Variants in PTPRT observed in about 807,000 individuals in gnomAD.
PTPRT encodes the protein receptor-type tyrosine-protein phosphatase T.
Under a neutral mutation model 176.8 loss-of-function variants are expected in PTPRT, and 56 were observed. That is an observed-to-expected ratio of 0.32 (90% CI 0.26 to 0.40). The LOEUF (loss-of-function observed/expected upper bound fraction) is 0.40. Ranked by LOEUF, PTPRT falls within the 10% of genes least tolerant of loss-of-function variation. PTPRT has a pLI of 1.00. For missense variants in PTPRT, 1,540 were observed against 1,908.2 expected, an observed-to-expected ratio of 0.81 and a Z score of 3.60; for synonymous variants, 783 against 739.0, an observed-to-expected ratio of 1.06 and a Z score of -0.96.
chr20:42,992,208 G>A (rs1983951717), intron 1 of PTPRT, among the ~76,000 whole-genome samples: 1 of 152,174 alleles, frequency 6.6e-6, no homozygotes, highest in African/African-American at 2.4e-5. Context: ...GGTTTTGTGT[G>A]CTACATCAAG....
chr20:42,178,032 G>T (rs541399423), intron 16 of PTPRT, among the ~76,000 whole-genome samples: 1 of 152,086 alleles, frequency 6.6e-6, no homozygotes, highest in South Asian at 2.1e-4. Flanking sequence ...CTGCCACCTG[G>T]GTTCAAGCGA....
chr20:42,179,491 A>G (rs1264831296), intron 16 of PTPRT, among the ~76,000 whole-genome samples: 1 of 152,228 alleles, frequency 6.6e-6, no homozygotes, highest in African/African-American at 2.4e-5. Flanking sequence ...TCCATTCCCT[A>G]AGACAATGAA....
intron 9 of PTPRT, among the ~76,000 whole-genome samples, chr20:42,392,882 G>A (rs1037957378): frequency 2.0e-5 from 3 of 152,094 alleles, no homozygotes; most frequent in Non-Finnish European, 2.9e-5. Context: ...AAAAGCATAC[G>A]CATCTATTTA....
In PTPRT at chr20:42,756,640, C is replaced by T. The variant is rs1381397993; in HGVS notation, c.685-4G>A. Reference sequence around the variant, plus strand: ...CCGTGTCCCTGCCATTCCATTGCTGCAGAACAGAGGAAGAGAGGGAGAGGA... The same window carrying T: ...CCGTGTCCCTGCCATTCCATTGCTGTAGAACAGAGGAAGAGAGGGAGAGGA... On this transcript the variant is annotated splice_region_variant and splice_polypyrimidine_tract_variant and intron_variant, in intron 5 of 30. Transcript: ENST00000373187. 1 of 1,574,462 alleles carries T rather than the reference C, an allele frequency of 6.4e-7. No homozygotes were observed. Among genetic ancestry groups the T allele is most frequent in the East Asian group, 2.3e-5 (1 of 44,086 alleles).
intron 9 of PTPRT, 148 bp downstream of exon 9, chr20:42,448,072 T>C (rs1486919460): frequency 1.5e-6 from 1 of 677,012 alleles, no homozygotes; most frequent in African/African-American, 1.8e-5. Context: ...GCCATTATGT[T>C]TGCACCCCAT....
At chr20:42,388,489 A>G (rs944633236) in intron 9 of PTPRT, among the ~76,000 whole-genome samples, 27 of 152,272 alleles carry the variant, frequency 1.8e-4, no homozygotes, top group African/African-American at 6.3e-4. Flanking sequence ...ACTTCTCAAA[A>G]GAAGACATTT....
intron 16 of PTPRT, among the ~76,000 whole-genome samples, chr20:42,188,105 C>A (rs754805363): frequency 6.6e-6 from 1 of 152,180 alleles, no homozygotes. Context: ...CACCTCAAAT[C>A]GATTGGCCTA....
chr20:42,587,212 C>CTGAGGT (rs1315817614), intron 7 of PTPRT, among the ~76,000 whole-genome samples: 11 of 152,178 alleles, frequency 7.2e-5, no homozygotes, highest in Non-Finnish European at 1.2e-4. Flanking sequence ...AAACTCTAGC[C>CTGAGGT]CATACTGCAA....
chr20:42,487,499 G>A (rs191438019), intron 7 of PTPRT, among the ~76,000 whole-genome samples: 3 of 152,192 alleles, frequency 2.0e-5, no homozygotes, highest in East Asian at 1.9e-4. Flanking sequence ...CACTGTGAAC[G>A]TGATTAAGGA....
intron 7 of PTPRT, among the ~76,000 whole-genome samples, chr20:42,614,644 C>G (rs2074034915): frequency 6.6e-6 from 1 of 152,294 alleles, no homozygotes; most frequent in Non-Finnish European, 1.5e-5. Context: ...CAGAAGCAAA[C>G]AGAGGCCATC....
In PTPRT at chr20:42,222,178, C is replaced by G. The variant is rs1329635430; in HGVS notation, c.2342+14051G>C. Among the ~76,000 whole-genome samples the G allele has an allele frequency of 3.3e-5, 5 of 152,316 alleles. No homozygotes were observed. The South Asian group carries it at 1.0e-3, about 32-fold the overall frequency. Reference sequence around the variant, plus strand: ...AGCCACCCTCAATTCATGATGAGAACACAGCACTAGTAATTAGCACATCTT... The same window carrying G: ...AGCCACCCTCAATTCATGATGAGAAGACAGCACTAGTAATTAGCACATCTT... On this transcript the variant is annotated intron_variant, in intron 15 of 30. Coordinates refer to ENST00000373187, the MANE Select transcript of PTPRT (RefSeq NM_007050.6).
At chr20:43,160,197 C>T (rs189866026) in intron 1 of PTPRT, among the ~76,000 whole-genome samples, 74 of 152,190 alleles carry the variant, frequency 4.9e-4, no homozygotes, top group African/African-American at 1.7e-3. Flanking sequence ...ACCCCCACAA[C>T]GGCTATTTGT....
At chr20:42,906,041 A>G (rs2079473088) in intron 1 of PTPRT, among the ~76,000 whole-genome samples, 1 of 152,134 alleles carries the variant, frequency 6.6e-6, no homozygotes, top group Non-Finnish European at 1.5e-5. Flanking sequence ...CGTTGTGCAC[A>G]TACTTAAAGT....
chr20:42,537,402 T>C (rs765753494), intron 7 of PTPRT, among the ~76,000 whole-genome samples: 1 of 152,208 alleles, frequency 6.6e-6, no homozygotes, highest in Non-Finnish European at 1.5e-5. Flanking sequence ...TGACTCTGAA[T>C]CTTCATTTTC....
intron 2 of PTPRT, among the ~76,000 whole-genome samples, chr20:42,867,154 T>C (rs559071933): frequency 6.6e-6 from 1 of 152,336 alleles, no homozygotes; most frequent in African/African-American, 2.4e-5. Flanking sequence ...GGCCATAAAA[T>C]ATCCATTGTT....
intron 9 of PTPRT, among the ~76,000 whole-genome samples, chr20:42,430,929 C>T (rs564946407): frequency 6.6e-6 from 1 of 152,230 alleles, no homozygotes; most frequent in Admixed American, 6.5e-5. Flanking sequence ...CACACACTCA[C>T]ACAGGTGAGA....
intron 1 of PTPRT, among the ~76,000 whole-genome samples, chr20:42,980,910 T>C (rs1002567507): frequency 4.6e-5 from 7 of 152,196 alleles, no homozygotes; most frequent in Admixed American, 4.6e-4. Flanking sequence ...AATGTGAGCA[T>C]TGAAGGAGAG....
intron 9 of PTPRT, among the ~76,000 whole-genome samples, chr20:42,370,816 T>C (rs770757672): frequency 7.2e-5 from 11 of 152,184 alleles, no homozygotes; most frequent in African/African-American, 1.4e-4. Context: ...AGATCACACA[T>C]GGTCTTGCCC....
chr20:42,308,276 C>T (rs976558335), intron 12 of PTPRT, among the ~76,000 whole-genome samples: 2 of 152,092 alleles, frequency 1.3e-5, no homozygotes, highest in African/African-American at 4.8e-5. Flanking sequence ...ATTCTTTCTT[C>T]CACAAGAACC....
Sources: gnomAD v4.1 joint callset for allele counts (sites outside exome capture counted in the v4.1 genomes callset) on GRCh38, gnomAD v4.1.1 for gene constraint, MANE v1.5 for transcripts, NCBI Gene and HGNC (gene_info 2026-07-23, HGNC 2026-07-21) for gene names.